Variants in ELAPOR2 observed in about 807,000 individuals in gnomAD.
ELAPOR2 encodes the protein endosome-lysosome associated apoptosis and autophagy regulator family member 2, also known as endosome/lysosome-associated apoptosis and autophagy regulator family member 2.
ELAPOR2 carries 89 observed loss-of-function variants against 120.7 expected under a neutral mutation model. The ratio of observed to expected loss-of-function variants is 0.74; its 90% CI spans 0.62 to 0.88. The LOEUF (loss-of-function observed/expected upper bound fraction) is 0.88, where lower values mean the gene tolerates loss of function less well. ELAPOR2 is among the 40% of genes least tolerant of loss of function. The probability of loss-of-function intolerance (pLI) is 0.00; values close to 1 mark genes in which losing one functional copy is unlikely to be tolerated. For synonymous variants in ELAPOR2, 444 were observed against 444.9 expected (o/e 1.00, Z 0.03); for missense variants, 1,134 against 1,251.6 (o/e 0.91, Z 1.42).
At position 86,984,933 on chromosome 7, in the gene ELAPOR2, G is replaced by A. The variant is rs146516032; in HGVS notation, c.190-19909C>T. ...GAAAGATCAACAAAATTGATAGACTGCTAGCAAGACTAATAAAGAAGAAAA... is the reference window on the plus strand; with the variant it reads ...GAAAGATCAACAAAATTGATAGACTACTAGCAAGACTAATAAAGAAGAAAA... On this transcript the variant is annotated intron_variant, in intron 1 of 21. Transcript: ENST00000450689. Among the ~76,000 whole-genome samples, 302 of 152,128 alleles carry A rather than the reference G, an allele frequency of 2.0e-3. 5 individuals carry two copies. In the East Asian group the frequency reaches 0.041, roughly 21 times the overall value.
intron 1 of ELAPOR2, among the ~76,000 whole-genome samples, chr7:86,993,313 AC>A (rs900493296): frequency 6.6e-6 from 1 of 152,048 alleles, no homozygotes; most frequent in Non-Finnish European, 1.5e-5. Context: ...AGTGACTGGA[AC>A]CCAGAACTGA....
chr7:87,053,549 ATTC>A (rs1330532464), intron 1 of ELAPOR2, among the ~76,000 whole-genome samples: 2 of 152,060 alleles, frequency 1.3e-5, no homozygotes, highest in Non-Finnish European at 2.9e-5. Context: ...AAATGGGTGG[ATTC>A]TTCTTCTTAC....
intron 1 of ELAPOR2, among the ~76,000 whole-genome samples, chr7:87,035,939 C>G (rs1002741690): frequency 2.0e-5 from 3 of 152,118 alleles, no homozygotes; most frequent in African/African-American, 7.2e-5. Context: ...TCTGACTTTA[C>G]AAAATTTGGT....
intron 12 of ELAPOR2, among the ~76,000 whole-genome samples, chr7:86,915,579 A>G (rs1789534732): frequency 6.6e-6 from 1 of 151,728 alleles, no homozygotes; most frequent in Admixed American, 6.6e-5. Context: ...TGTAACATAC[A>G]TCTAATTTAT....
At chr7:86,897,482 C>A in intron 19 of ELAPOR2, 24 bp downstream of exon 19, 1 of 1,606,946 alleles carries the variant, frequency 6.2e-7, no homozygotes, top group South Asian at 1.1e-5. Flanking sequence ...TGCCGAAGCT[C>A]TGCCTTGAGA....
chr7:86,912,869 T>A, intron 14 of ELAPOR2, 72 bp downstream of exon 14: 2 of 1,529,216 alleles, frequency 1.3e-6, no homozygotes, highest in Non-Finnish European at 1.8e-6. Context: ...CAGAGAAACA[T>A]TAAGGAGAAC....
chr7:87,052,161 C>T (rs1388526400), intron 1 of ELAPOR2, among the ~76,000 whole-genome samples: 6 of 152,226 alleles, frequency 3.9e-5, no homozygotes, highest in East Asian at 3.9e-4. Flanking sequence ...TGTGTCGGTC[C>T]ATTTTCACAC....
At position 86,879,247 on chromosome 7, in the gene ELAPOR2, C is replaced by T. The variant is rs969754713; in HGVS notation, c.*1224G>A. 2.4e-4 allele frequency: 36 copies of T among 152,150 alleles called. No individual in the cohort carries two copies. Among genetic ancestry groups the T allele is most frequent in the African/African-American group, 8.0e-4 (33 of 41,452 alleles). 9.4% of individuals were successfully genotyped at this position (152,150 alleles called of 1,614,324 possible). ...TTGGTCAAATCCAACTTCATTCATA[C>T]TTCCTTCAACAAATAATATCCAAGT... On this transcript the variant is annotated 3_prime_UTR_variant, in exon 22 of 22. Transcript: ENST00000450689.
In ELAPOR2 at chr7:86,924,265, G is replaced by A. The variant is rs145982804; in HGVS notation, c.1399+1263C>T. On this transcript the variant is annotated intron_variant, in intron 10 of 21. Coordinates refer to ENST00000450689, the MANE Select transcript of ELAPOR2 (RefSeq NM_001142749.3). ...AGCAAAATTTAAAAATAGACTCTCA[G>A]TAAATGAGTAAGCAAGTGGGTAAAT... Among the ~76,000 whole-genome samples the A allele has an allele frequency of 3.9e-3, 593 of 151,938 alleles. 12 individuals carry two copies. The highest frequency in any genetic ancestry group is 0.037 in the East Asian group (190 of 5,150).
Position 87,000,360 on chromosome 7 carries a change from A to G in ELAPOR2, c.190-35336T>C, listed in dbSNP as rs1336467053. Among the ~76,000 whole-genome samples the G allele has an allele frequency of 3.3e-5, 5 of 151,700 alleles. No homozygotes were observed. In the South Asian group the frequency reaches 6.2e-4, roughly 19 times the overall value. ...CCTCTGGGTGGTTTTCTACATCAGA[A>G]AAGAGAAAGTTCCCAAACCCCTTTC... On this transcript the variant is annotated intron_variant, in intron 1 of 21. Transcript: ENST00000450689.
intron 8 of ELAPOR2, among the ~76,000 whole-genome samples, chr7:86,935,843 A>G (rs1357127324): frequency 6.6e-6 from 1 of 152,086 alleles, no homozygotes; most frequent in Non-Finnish European, 1.5e-5. Context: ...CACATTTTTC[A>G]TGATGTTTAT....
At position 86,880,348 on chromosome 7, in the gene ELAPOR2, G is replaced by A. The variant is rs1186473051; in HGVS notation, c.*123C>T. ...GTTTCAATCTCCTTCCCTTTTCAGCGGCATGGCCCTCCTCTGTGAGATCAC... is the reference window on the plus strand; with the variant it reads ...GTTTCAATCTCCTTCCCTTTTCAGCAGCATGGCCCTCCTCTGTGAGATCAC... On this transcript the variant is annotated 3_prime_UTR_variant, in exon 22 of 22. Coordinates refer to ENST00000450689, the MANE Select transcript of ELAPOR2 (RefSeq NM_001142749.3). The A allele has an allele frequency of 2.1e-5, 16 of 745,182 alleles. 1 individual carries two copies. Among genetic ancestry groups the A allele is most frequent in the East Asian group, 1.7e-4 (7 of 40,164 alleles). The allele number at this position is 745,182 out of a possible 1,614,324, so 46.2% of individuals were successfully genotyped here. A position where few individuals can be genotyped will look rare whatever the true frequency, so the allele number is the denominator to read the frequency against.
chr7:86,932,528 C>T (rs1461212144), intron 8 of ELAPOR2, among the ~76,000 whole-genome samples: 1 of 151,886 alleles, frequency 6.6e-6, no homozygotes, highest in Non-Finnish European at 1.5e-5. Context: ...TACTCTGCCT[C>T]AGTGTAATAC....
chr7:87,022,825 G>A (rs1334001317), intron 1 of ELAPOR2, among the ~76,000 whole-genome samples: 1 of 151,652 alleles, frequency 6.6e-6, no homozygotes, highest in Non-Finnish European at 1.5e-5. Flanking sequence ...TTCTCTGATG[G>A]CCAGTGATAA....
chr7:86,978,761 C>A (rs1284106972), intron 1 of ELAPOR2, among the ~76,000 whole-genome samples: 1 of 152,156 alleles, frequency 6.6e-6, no homozygotes, highest in Non-Finnish European at 1.5e-5. Flanking sequence ...ACCTCTTTAT[C>A]TTGTAAGGCT....
At chr7:86,975,838 G>T (rs189597041) in intron 1 of ELAPOR2, among the ~76,000 whole-genome samples, 2 of 152,206 alleles carry the variant, frequency 1.3e-5, no homozygotes, top group Non-Finnish European at 2.9e-5. Flanking sequence ...CTAATACAAT[G>T]GTAGGGAGTT....
chr7:87,013,345 C>A (rs951495711), intron 1 of ELAPOR2, among the ~76,000 whole-genome samples: 1 of 152,070 alleles, frequency 6.6e-6, no homozygotes, highest in Admixed American at 6.5e-5. Context: ...AAAATACTGT[C>A]ATAAAGACAA....
intron 21 of ELAPOR2, among the ~76,000 whole-genome samples, chr7:86,889,365 T>TA (rs1354866288): frequency 6.6e-6 from 1 of 151,760 alleles, no homozygotes; most frequent in African/African-American, 2.4e-5. Flanking sequence ...AAATCAGAGA[T>TA]ACAGTACCCC....
At chr7:86,918,773 A>G (rs1467543638) in intron 11 of ELAPOR2, among the ~76,000 whole-genome samples, 1 of 152,140 alleles carries the variant, frequency 6.6e-6, no homozygotes, top group Non-Finnish European at 1.5e-5. Flanking sequence ...GCTGTAAATG[A>G]TACCATCCAT....
Sources: gnomAD v4.1 joint callset for allele counts (sites outside exome capture counted in the v4.1 genomes callset) on GRCh38, gnomAD v4.1.1 for gene constraint, MANE v1.5 for transcripts, NCBI Gene and HGNC (gene_info 2026-07-23, HGNC 2026-07-21) for gene names.